Variants in SPOCK1 observed in about 807,000 individuals in gnomAD.
SPOCK1 encodes testican-1.
In SPOCK1, 23 loss-of-function variants were observed where a neutral mutation model predicts 55.3. The observed-to-expected ratio is 0.42, with a 90% CI of 0.30 to 0.59. SPOCK1 has a LOEUF of 0.59. SPOCK1 is among the 20% of genes least tolerant of loss of function. SPOCK1 has a pLI of 0.22. For synonymous variants in SPOCK1, 226 were observed against 221.0 expected, an observed-to-expected ratio of 1.02 and a Z score of -0.20; for missense variants, 499 against 552.5, an observed-to-expected ratio of 0.90 and a Z score of 0.97.
chr5:137,382,454 C>CTAT (rs1441607461), intron 2 of SPOCK1, among the ~76,000 whole-genome samples: 1 of 152,186 alleles, frequency 6.6e-6, no homozygotes, highest in Non-Finnish European at 1.5e-5. Flanking sequence ...CATTTTCACA[C>CTAT]TGATATAAAG....
chr5:137,397,337 T>A (rs1297702020), intron 2 of SPOCK1, among the ~76,000 whole-genome samples: 2 of 152,222 alleles, frequency 1.3e-5, no homozygotes, highest in East Asian at 3.8e-4. Context: ...GATGGACCGC[T>A]TGCTGTCATC....
chr5:137,296,993 C>A (rs1473293832), intron 2 of SPOCK1, among the ~76,000 whole-genome samples: 1 of 152,128 alleles, frequency 6.6e-6, no homozygotes, highest in Non-Finnish European at 1.5e-5. Context: ...ACAAGAGTAT[C>A]TATGTGTGTA....
Position 137,472,133 on chromosome 5 carries a change from G to A in SPOCK1, c.186+26240C>T, listed in dbSNP as rs185399611. 1.8e-3 allele frequency among the ~76,000 whole-genome samples: 278 copies of A among 152,252 alleles called. 1 individual carries two copies. The highest frequency in any genetic ancestry group is 6.4e-3 in the African/African-American group (265 of 41,552). On this transcript the variant is annotated intron_variant, in intron 2 of 10. Coordinates refer to ENST00000394945, the MANE Select transcript of SPOCK1 (RefSeq NM_004598.4). ...CACGAATTCTTGGGAGGACATGCCC[G>A]GGGCCCTGGCCCAGTGCTGCCAGCA...
At chr5:137,356,876 G>GAGAGAGAT (rs1385760545) in intron 2 of SPOCK1, among the ~76,000 whole-genome samples, 1 of 128,914 alleles carries the variant, frequency 7.8e-6, no homozygotes, top group Admixed American at 7.8e-5. Flanking sequence ...GAGAGAGAGA[G>GAGAGAGAT]TATGCAGACC....
rs144200958 is a variant in SPOCK1, at chr5:137,498,626, C to T, written c.1-68G>A. On this transcript the variant is annotated intron_variant, in intron 1 of 10. Transcript: ENST00000394945. ...CGGCCGCGAGCCCCGGGCACCCAGG[C>T]GTCCCAGCGCCCCAGCCCGGAGGCG... The T allele has an allele frequency of 9.9e-6, 12 of 1,212,764 alleles. No homozygotes were observed. In the Admixed American group the frequency reaches 5.3e-4, roughly 54 times the overall value. The allele number at this position is 1,212,764 out of a possible 1,614,324, so 75.1% of individuals were successfully genotyped here.
Position 137,291,697 on chromosome 5 carries a change from G to T in SPOCK1, c.187-24642C>A, listed in dbSNP as rs553640390. 9.2e-5 allele frequency among the ~76,000 whole-genome samples: 14 copies of T among 152,346 alleles called. 1 individual carries two copies. The highest frequency in any genetic ancestry group is 1.8e-4 in the Non-Finnish European group (12 of 68,024). ...CAAATGAAAGCTGATGGGAGGCTTGGACATGCCCTGCCTGGAGTGGTGGAG... is the reference window on the plus strand; with the variant it reads ...CAAATGAAAGCTGATGGGAGGCTTGTACATGCCCTGCCTGGAGTGGTGGAG... On this transcript the variant is annotated intron_variant, in intron 2 of 10. Coordinates refer to ENST00000394945, the MANE Select transcript of SPOCK1 (RefSeq NM_004598.4).
intron 3 of SPOCK1, among the ~76,000 whole-genome samples, chr5:137,155,377 C>T (rs985654708): frequency 6.6e-6 from 1 of 152,162 alleles, no homozygotes; most frequent in Non-Finnish European, 1.5e-5. Context: ...TCTCAATGGG[C>T]CTGTACTCTA....
intron 3 of SPOCK1, among the ~76,000 whole-genome samples, chr5:137,223,627 T>C (rs1179860396): frequency 6.6e-6 from 1 of 152,188 alleles, no homozygotes; most frequent in Non-Finnish European, 1.5e-5. Flanking sequence ...TTTTCAACAA[T>C]GAGATGAAAT....
At chr5:137,471,569 C>T (rs1009642159) in intron 2 of SPOCK1, among the ~76,000 whole-genome samples, 1 of 152,226 alleles carries the variant, frequency 6.6e-6, no homozygotes, top group African/African-American at 2.4e-5. Flanking sequence ...ACCACCACTG[C>T]TTTTTCTGCC....
At chr5:137,164,318 C>A (rs79791121) in intron 3 of SPOCK1, among the ~76,000 whole-genome samples, 1 of 151,988 alleles carries the variant, frequency 6.6e-6, no homozygotes, top group Admixed American at 6.6e-5. Flanking sequence ...AGCTCTTGGA[C>A]GACACTTCTA....
chr5:136,983,466 C>T (rs149147607), intron 9 of SPOCK1, among the ~76,000 whole-genome samples: 203 of 152,208 alleles, frequency 1.3e-3, no homozygotes, highest in East Asian at 8.1e-3. Flanking sequence ...AAGGAGTGTA[C>T]GCCATTGCAT....
chr5:137,359,026 G>A (rs1750883889), intron 2 of SPOCK1, among the ~76,000 whole-genome samples: 1 of 152,180 alleles, frequency 6.6e-6, no homozygotes, highest in Non-Finnish European at 1.5e-5. Flanking sequence ...GTCTATCACA[G>A]CCAGTTAGCC....
At chr5:137,102,370 A>G (rs543183541) in intron 5 of SPOCK1, among the ~76,000 whole-genome samples, 3 of 152,228 alleles carry the variant, frequency 2.0e-5, no homozygotes, top group Admixed American at 1.3e-4. Flanking sequence ...ATCTGGGGCT[A>G]TTAAAATCCC....
rs892571563 is a variant in SPOCK1, at chr5:137,062,766, G to A, written c.589+4949C>T. 7.2e-5 allele frequency among the ~76,000 whole-genome samples: 11 copies of A among 151,906 alleles called. No homozygotes were observed. In the East Asian group the frequency reaches 7.7e-4, roughly 11 times the overall value. On this transcript the variant is annotated intron_variant, in intron 6 of 10. Coordinates refer to ENST00000394945, the MANE Select transcript of SPOCK1 (RefSeq NM_004598.4). ...AAAATGCACAGAACCCCAGCCCAAC[G>A]CAGAGATTTCAATTTCATCTCCCTC...
At chr5:137,102,557 G>A (rs1753290503) in intron 5 of SPOCK1, among the ~76,000 whole-genome samples, 1 of 151,874 alleles carries the variant, frequency 6.6e-6, no homozygotes, top group African/African-American at 2.4e-5. Flanking sequence ...TCCTTTTTTG[G>A]GTTGAGTCAT....
intron 2 of SPOCK1, among the ~76,000 whole-genome samples, chr5:137,436,474 C>G (rs1752867773): frequency 6.6e-6 from 1 of 152,050 alleles, no homozygotes; most frequent in South Asian, 2.1e-4. Flanking sequence ...TGGCATGTTC[C>G]TGCAATAATA....
intron 2 of SPOCK1, among the ~76,000 whole-genome samples, chr5:137,354,866 T>C (rs996872412): frequency 2.3e-4 from 35 of 152,176 alleles, no homozygotes; most frequent in African/African-American, 8.2e-4. Flanking sequence ...ACTTATTGAC[T>C]GTATCACCTT....
At chr5:137,369,170 C>T (rs950568413) in intron 2 of SPOCK1, among the ~76,000 whole-genome samples, 3 of 152,212 alleles carry the variant, frequency 2.0e-5, no homozygotes, top group African/African-American at 7.2e-5. Context: ...AAAGGCAATG[C>T]TCCTTGATGG....
intron 1 of SPOCK1, 179 bp from the exon 2 acceptor site, chr5:137,498,737 G>C (rs1047777849): frequency 6.5e-6 from 2 of 306,638 alleles, no homozygotes; most frequent in African/African-American, 4.4e-5. Context: ...TCACGAATGG[G>C]GGACTCATCT....
Sources: allele counts gnomAD v4.1 joint callset (sites outside exome capture counted in the v4.1 genomes callset), GRCh38; gene constraint gnomAD v4.1.1; transcripts MANE v1.5; gene names NCBI Gene and HGNC (gene_info 2026-07-23, HGNC 2026-07-21).